The following CEP192 variants were observed in gnomAD, a reference collection of about 807,000 sequenced individuals.
The protein encoded by CEP192 is centrosomal protein of 192 kDa.
Under a neutral mutation model 271.8 loss-of-function variants are expected in CEP192, and 151 were observed. The ratio of observed to expected loss-of-function variants is 0.56; its 90% CI spans 0.49 to 0.64. The LOEUF (loss-of-function observed/expected upper bound fraction) is 0.64. CEP192 is among the 30% of genes least tolerant of loss of function. The pLI is 0.00. For missense variants in CEP192, 2,910 were observed against 3,020.5 expected (o/e 0.96, Z 0.86); for synonymous variants, 995 against 1,076.5 (o/e 0.92, Z 1.48).
At chr18:13,034,198 T>C (rs1231856484) in intron 11 of CEP192, among the ~76,000 whole-genome samples, 1 of 151,976 alleles carries the variant, frequency 6.6e-6, no homozygotes, top group Non-Finnish European at 1.5e-5. Context: ...TGAATACTAG[T>C]CTGGTTGGAA....
In CEP192 at chr18:13,018,583, A is replaced by G; in HGVS notation, c.893A>G (p.Glu298Gly). 1 of 1,539,372 alleles carries G rather than the reference A, an allele frequency of 6.5e-7. No homozygotes were observed. The highest frequency in any genetic ancestry group is 8.8e-7 in the Non-Finnish European group (1 of 1,139,280). ...TCTGAAACAACTCACAAAGAGTCTGAGGAAAGCCAAGTTATTTGTCTACCT... is the reference window on the plus strand; with the variant it reads ...TCTGAAACAACTCACAAAGAGTCTGGGGAAAGCCAAGTTATTTGTCTACCT... ...HSSETTHKESEESQVICLPGT... is the reference protein window; with the variant it reads ...HSSETTHKESGESQVICLPGT... The change falls in exon 8 of 45, where the codon GAG (glutamate) becomes GGG (glycine). Residue 298 changes from glutamate to glycine, a missense_variant. Physicochemically the swap from Glu to Gly is moderately conservative, Grantham distance 98. Transcript: ENST00000506447.
intron 14 of CEP192, among the ~76,000 whole-genome samples, chr18:13,041,962 A>G (rs2036232391): frequency 6.6e-6 from 1 of 152,240 alleles, no homozygotes; most frequent in Non-Finnish European, 1.5e-5. Context: ...TTGCAAGGGA[A>G]AGATTAAAAT....
intron 15 of CEP192, among the ~76,000 whole-genome samples, chr18:13,044,459 G>T (rs551743403): frequency 1.3e-5 from 2 of 151,994 alleles, no homozygotes; most frequent in South Asian, 4.1e-4. Context: ...GATCAACAAC[G>T]TGGTCTTCTA....
At position 13,066,963 on chromosome 18, in the gene CEP192, C is replaced by CTGTGTGTGTGTGTG. The variant is rs56795701; in HGVS notation, c.4489-845_4489-832dup. Among the ~76,000 whole-genome samples the CTGTGTGTGTGTGTG allele has an allele frequency of 4.5e-3, 643 of 143,504 alleles. 5 individuals carry two copies. The highest frequency in any genetic ancestry group is 0.015 in the African/African-American group (583 of 38,096). 94.1% of individuals were successfully genotyped at this position (143,504 alleles called of 152,430 possible). On this transcript the variant is annotated intron_variant, in intron 21 of 44. Coordinates refer to ENST00000506447, the MANE Select transcript of CEP192 (RefSeq NM_032142.4). ...AGAGCAAAACAAAATGTGAGCACGT[C>CTGTGTGTGTGTGTG]TGTGTGTGTGTGTGTGTGTGTGTGT...
chr18:13,072,851 T>TAG lies in CEP192; in HGVS notation c.5439+9_5439+10dup. The TAG allele has an allele frequency of 6.2e-7, 1 of 1,602,314 alleles. No homozygotes were observed. Among genetic ancestry groups the TAG allele is most frequent in the East Asian group, 2.2e-5 (1 of 44,818 alleles). ...AAGATCAGGACTGCTTTCAGGTTCG[T>TAG]AGAGTACGTGGATTCTTGTTATGTC... On this transcript the variant is annotated splice_region_variant and intron_variant, in intron 29 of 44. Coordinates refer to ENST00000506447, the MANE Select transcript of CEP192 (RefSeq NM_032142.4).
chr18:13,122,832 CGT>C lies in CEP192; in HGVS notation c.7476-1773_7476-1772del, dbSNP rs59158168. 1.1e-3 allele frequency among the ~76,000 whole-genome samples: 171 copies of C among 150,348 alleles called. 1 individual carries two copies. Among genetic ancestry groups the C allele is most frequent in the Admixed American group, 2.2e-3 (33 of 15,068 alleles). ...AGAGGACTTTCCTGCTACCTTTTCC[CGT>C]GTGTGTGTGTGTGTGTGTGTGTGTG... is the stretch of plus-strand genomic sequence containing the variant. On this transcript the variant is annotated intron_variant, in intron 44 of 44. Coordinates refer to ENST00000506447, the MANE Select transcript of CEP192 (RefSeq NM_032142.4).
chr18:13,113,668 A>G lies in CEP192; in HGVS notation c.7130A>G (p.His2377Arg). 6.2e-7 allele frequency: 1 copy of G among 1,613,572 alleles called. No individual in the cohort carries two copies. The highest frequency in any genetic ancestry group is 8.5e-7 in the Non-Finnish European group (1 of 1,179,570). Reference sequence around the variant, plus strand: ...GAATGTCACCCTCTTAAGGAGCCTCACATGAAACACACGTTGAGATTCCAA... The same window carrying G: ...GAATGTCACCCTCTTAAGGAGCCTCGCATGAAACACACGTTGAGATTCCAA... ...DVECHPLKEP[H>R]MKHTLRFQLS... is the part of the protein sequence containing the mutation. The change falls in exon 41 of 45, where the codon CAC becomes CGC. Residue 2377 changes from histidine to arginine, a missense_variant. Physicochemically the swap from His to Arg is conservative, Grantham distance 29. Coordinates refer to ENST00000506447, the MANE Select transcript of CEP192 (RefSeq NM_032142.4).
intron 40 of CEP192, among the ~76,000 whole-genome samples, chr18:13,108,472 C>T (rs575084182): frequency 4.6e-5 from 7 of 152,170 alleles, no homozygotes; most frequent in Admixed American, 3.9e-4. Context: ...CAAAACAAAC[C>T]ACCCCATTAA....
intron 4 of CEP192, among the ~76,000 whole-genome samples, 191 bp from the exon 5 acceptor site, chr18:13,012,781 AT>A (rs945211610): frequency 6.6e-6 from 1 of 152,054 alleles, no homozygotes; most frequent in African/African-American, 2.4e-5. Context: ...CTTTGGTACA[AT>A]TTTTTTTATG....
At chr18:13,122,356 A>G (rs1251265736) in intron 44 of CEP192, among the ~76,000 whole-genome samples, 2 of 152,224 alleles carry the variant, frequency 1.3e-5, no homozygotes, top group African/African-American at 4.8e-5. Flanking sequence ...TGGGAGGCAC[A>G]GGTTGCAGTG....
chr18:13,024,331 T>A (rs2035166332), intron 9 of CEP192: 1 of 456,374 alleles, frequency 2.2e-6, no homozygotes, highest in Non-Finnish European at 4.4e-6. Flanking sequence ...TTGACTAGTG[T>A]TTTAATGGTA....
chr18:13,009,366 T>G (rs150716289), intron 4 of CEP192, among the ~76,000 whole-genome samples: 1 of 152,258 alleles, frequency 6.6e-6, no homozygotes, highest in Non-Finnish European at 1.5e-5. Flanking sequence ...CTATTTTTAG[T>G]GCATCTTCCA....
intron 24 of CEP192, among the ~76,000 whole-genome samples, 172 bp downstream of exon 24, chr18:13,068,594 G>C (rs1244837390): frequency 1.3e-5 from 2 of 152,216 alleles, no homozygotes; most frequent in African/African-American, 4.8e-5. Flanking sequence ...TCCTGTGTAA[G>C]TGTGGGTAAC....
intron 14 of CEP192, 47 bp downstream of exon 14, chr18:13,041,003 A>C (rs746466557): frequency 6.5e-7 from 1 of 1,542,670 alleles, no homozygotes; most frequent in African/African-American, 1.4e-5. Flanking sequence ...TTTTTCTTAA[A>C]TGCGTAACTT....
At chr18:13,063,976 A>G (rs1325284914) in intron 21 of CEP192, among the ~76,000 whole-genome samples, 3 of 151,106 alleles carry the variant, frequency 2.0e-5, no homozygotes, top group Non-Finnish European at 4.4e-5. Context: ...ATGCACCACC[A>G]CGCCTGGCTA....
At chr18:13,060,667 A>G (rs1324611898) in intron 21 of CEP192, among the ~76,000 whole-genome samples, 3 of 152,206 alleles carry the variant, frequency 2.0e-5, no homozygotes, top group Non-Finnish European at 4.4e-5. Flanking sequence ...ACACACCTGT[A>G]ATCCCAGCAC....
chr18:13,087,785 T>C, intron 32 of CEP192, 139 bp downstream of exon 32: 1 of 439,702 alleles, frequency 2.3e-6, no homozygotes, highest in Non-Finnish European at 4.0e-6. Context: ...GTAGAATTTA[T>C]GTGGATGATG....
At chr18:13,094,294 G>A (rs1376432555) in intron 34 of CEP192, among the ~76,000 whole-genome samples, 1 of 152,072 alleles carries the variant, frequency 6.6e-6, no homozygotes. Flanking sequence ...ATTGATGCTT[G>A]TTGCCTGAAT....
chr18:13,116,026 C>T (rs1030057382), intron 42 of CEP192, among the ~76,000 whole-genome samples: 2 of 152,184 alleles, frequency 1.3e-5, no homozygotes, highest in African/African-American at 4.8e-5. Context: ...GCATCAGGCA[C>T]TTGGAGCAGC....
Sources: gnomAD v4.1 joint callset for allele counts (sites outside exome capture counted in the v4.1 genomes callset) on GRCh38, gnomAD v4.1.1 for gene constraint, MANE v1.5 for transcripts, NCBI Gene and HGNC (gene_info 2026-07-23, HGNC 2026-07-21) for gene names.